ADAMTSL2: variants seen among roughly 807,000 people sequenced by gnomAD.
ADAMTSL2 encodes ADAMTS-like protein 2.
A neutral mutation model predicts 117.0 loss-of-function variants in ADAMTSL2; 55 were observed. The observed-to-expected ratio is 0.47, with a 90% CI of 0.38 to 0.59. The LOEUF is 0.59. Ranked by LOEUF, ADAMTSL2 falls within the 20% of genes least tolerant of loss-of-function variation. The probability of loss-of-function intolerance (pLI) is 0.00; values close to 1 mark genes in which losing one functional copy is unlikely to be tolerated. For synonymous variants in ADAMTSL2, 572 were observed against 566.4 expected, an observed-to-expected ratio of 1.01 and a Z score of -0.14; for missense variants, 1,182 against 1,354.5, an observed-to-expected ratio of 0.87 and a Z score of 2.00.
intron 5 of ADAMTSL2, among the ~76,000 whole-genome samples, chr9:133,540,243 A>T (rs1830182807): frequency 6.6e-6 from 1 of 152,214 alleles, no homozygotes; most frequent in Non-Finnish European, 1.5e-5. Context: ...CAACAGTGTA[A>T]ATGCTTCATC....
In ADAMTSL2 at chr9:133,536,794, G is replaced by C; in HGVS notation, c.82G>C (p.Gly28Arg). ...AVVAGDTVST[G>R]STDNSPTSNS... ...TGTAGCTGGGGACACAGTGTCAACCGGGTCCACGGTGAGTGGGGTGTTGTG... is the reference window on the plus strand; with the variant it reads ...TGTAGCTGGGGACACAGTGTCAACCCGGTCCACGGTGAGTGGGGTGTTGTG... Residue 28 changes from glycine to arginine, a missense_variant, in exon 2 of 19, where the codon GGG (glycine) becomes CGG (arginine). Physicochemically the swap from Gly to Arg is moderately radical, Grantham distance 125 (BLOSUM62 -2). This residue lies in a region of ADAMTSL2 where 372 missense variants were observed against 463.4 expected (regional missense o/e 0.80). Coordinates refer to ENST00000651351, the MANE Select transcript of ADAMTSL2 (RefSeq NM_014694.4). 6.2e-7 allele frequency: 1 copy of C among 1,614,200 alleles called. No individual in the cohort carries two copies. The highest frequency in any genetic ancestry group is 1.7e-4 in the Middle Eastern group (1 of 6,056).
rs990753236 is a variant in ADAMTSL2 at position 133,561,306 on chromosome 9, C to T, written c.1747+11C>T. 83 of 1,580,274 alleles carry T rather than the reference C, an allele frequency of 5.3e-5. No individual in the cohort carries two copies. Among genetic ancestry groups the T allele is most frequent in the East Asian group, 9.1e-5 (4 of 43,776 alleles). ...CCACCTGCACCACAGGTACTGGTCACGGGTGCCAAGGGGCAGCAACTGCCC... is the reference window on the plus strand; with the variant it reads ...CCACCTGCACCACAGGTACTGGTCATGGGTGCCAAGGGGCAGCAACTGCCC... On this transcript the variant is annotated intron_variant, in intron 12 of 18. Transcript: ENST00000651351.
intron 11 of ADAMTSL2, among the ~76,000 whole-genome samples, chr9:133,560,056 T>C (rs1437377496): frequency 3.9e-5 from 6 of 152,090 alleles, no homozygotes; most frequent in Non-Finnish European, 8.8e-5. Context: ...CATTGTAAAC[T>C]CCCCATTCAA....
At chr9:133,533,038 G>C (rs28521969), upstream of ADAMTSL2, among the ~76,000 whole-genome samples, 27,632 of 152,204 alleles carry the variant, frequency 0.18, 2,765 homozygotes, top group South Asian at 0.29. Flanking sequence ...AACGCCAGGA[G>C]AGCTCGGGGA....
At chr9:133,539,682 G>C (rs1588277992) in intron 4 of ADAMTSL2, 89 bp from the exon 5 acceptor site, 1 of 1,349,088 alleles carries the variant, frequency 7.4e-7, no homozygotes, top group Non-Finnish European at 1.0e-6. Flanking sequence ...CGGCTGTCCC[G>C]GCTGCAGCCA....
At chr9:133,543,945 C>T (rs1186691838) in intron 7 of ADAMTSL2, among the ~76,000 whole-genome samples, 1 of 152,252 alleles carries the variant, frequency 6.6e-6, no homozygotes, top group African/African-American at 2.4e-5. Context: ...ATCTGGATCT[C>T]AGCCTGGGGC....
chr9:133,547,746 C>G (rs2073881), intron 9 of ADAMTSL2, among the ~76,000 whole-genome samples: 128,547 of 152,194 alleles, frequency 0.84, 55,062 homozygotes, highest in Non-Finnish European at 0.92. Flanking sequence ...CTATGGTGCT[C>G]GGTCCTTAGT....
rs1831054507 is a variant in ADAMTSL2, at chr9:133,569,460, C to G, written c.2297C>G (p.Thr766Ser). 3 of 1,613,542 alleles carry G rather than the reference C, an allele frequency of 1.9e-6. No homozygotes were observed. The highest frequency in any genetic ancestry group is 2.7e-5 in the African/African-American group (2 of 74,948). Residue 766 changes from threonine to serine, a missense_variant, in exon 16 of 19, where the codon ACC becomes AGC. Around this residue, in one of 3 missense-constraint regions of ADAMTSL2, gnomAD observed 465 missense variants for 565.3 expected, o/e 0.82. Transcript: ENST00000651351. ...GRTIRHVYCK[T>S]SDGRVVPESQ... ...ACCATCAGGCACGTGTACTGCAAGA[C>G]CAGCGACGGACGGGTAGTACCTGAG...
chr9:133,535,221 G>A (rs887518699), intron 1 of ADAMTSL2, among the ~76,000 whole-genome samples: 10 of 152,180 alleles, frequency 6.6e-5, no homozygotes, highest in African/African-American at 2.2e-4. Context: ...GTGGTGTCTG[G>A]AAGCCTTAAT....
chr9:133,547,887 C>T (rs1173025084), intron 9 of ADAMTSL2, among the ~76,000 whole-genome samples: 4 of 152,224 alleles, frequency 2.6e-5, no homozygotes, highest in African/African-American at 4.8e-5. Flanking sequence ...CTGTTATGCC[C>T]GACTTGCCAC....
Position 133,540,965 on chromosome 9 carries a change from G to C in ADAMTSL2, c.646G>C (p.Val216Leu). 6.2e-7 allele frequency: 1 copy of C among 1,613,446 alleles called. No individual in the cohort carries two copies. The highest frequency in any genetic ancestry group is 8.5e-7 in the Non-Finnish European group (1 of 1,180,026). ...CQGDGSSCTHVTGNYRKGNAH... is the reference protein window; with the variant it reads ...CQGDGSSCTHLTGNYRKGNAH... ...GGGGGACGGTAGCAGCTGCACCCAC[G>C]TGACGGGCAACTATCGCAAGGGGAA... Residue 216 changes from valine to leucine, a missense_variant, in exon 7 of 19, where the codon GTG (valine) becomes CTG (leucine). Physicochemically the swap from Val to Leu is conservative, Grantham distance 32. Around this residue, in one of 3 missense-constraint regions of ADAMTSL2, gnomAD observed 372 missense variants for 463.4 expected, o/e 0.80. Coordinates refer to ENST00000651351, the MANE Select transcript of ADAMTSL2 (RefSeq NM_014694.4).
chr9:133,570,389 C>T lies in ADAMTSL2; in HGVS notation c.2474C>T (p.Ala825Val). The T allele has an allele frequency of 6.4e-7, 1 of 1,569,130 alleles. No individual in the cohort carries two copies. The highest frequency in any genetic ancestry group is 8.6e-7 in the Non-Finnish European group (1 of 1,158,702). The change falls in exon 17 of 19, where the codon GCC (alanine) becomes GTC (valine). Residue 825 changes from alanine (A) to valine (V), a missense_variant. Coordinates refer to ENST00000651351, the MANE Select transcript of ADAMTSL2 (RefSeq NM_014694.4). ...CGGCTGGTGCTCTGCATGGAGCTGGCCAACGGGAAGCCGCAGACGCGCAGT... is the reference window on the plus strand; with the variant it reads ...CGGCTGGTGCTCTGCATGGAGCTGGTCAACGGGAAGCCGCAGACGCGCAGT... Reference protein sequence around the residue: ...KKRLVLCMELANGKPQTRSGP... With the variant: ...KKRLVLCMELVNGKPQTRSGP...
At chr9:133,555,295 G>A (rs376277640) in intron 10 of ADAMTSL2, among the ~76,000 whole-genome samples, 5 of 137,498 alleles carry the variant, frequency 3.6e-5, no homozygotes, top group Non-Finnish European at 6.3e-5. Flanking sequence ...GAGGTTCCGG[G>A]GGGGGCCATG....
rs199776835 is a variant in ADAMTSL2, at chr9:133,541,011, A to C, written c.682+10A>C. The C allele has an allele frequency of 1.9e-6, 3 of 1,611,908 alleles. No homozygotes were observed. Among genetic ancestry groups the C allele is most frequent in the Non-Finnish European group, 1.7e-6 (2 of 1,179,542 alleles). ...GGGAATGCCCACCTTGGTAAGCCACAGCGCGCCCTGGAGTCCAAGCACAGC... is the reference window on the plus strand; with the variant it reads ...GGGAATGCCCACCTTGGTAAGCCACCGCGCGCCCTGGAGTCCAAGCACAGC... On this transcript the variant is annotated intron_variant, in intron 7 of 18. Transcript: ENST00000651351.
In ADAMTSL2 at chr9:133,558,472, A is replaced by C. The variant is rs1215354587; in HGVS notation, c.1649+2542A>C. Among the ~76,000 whole-genome samples, 4 of 152,206 alleles carry C rather than the reference A, an allele frequency of 2.6e-5. No homozygotes were observed. In the East Asian group the frequency reaches 7.7e-4, roughly 29 times the overall value. On this transcript the variant is annotated intron_variant, in intron 11 of 18. Coordinates refer to ENST00000651351, the MANE Select transcript of ADAMTSL2 (RefSeq NM_014694.4). The surrounding 1 kb of genome is among the most constrained non-coding windows in gnomAD (Gnocchi z 4.3). ...TCAAGGGAGGGGCCCCTGTCACCAG[A>C]CTCCGACTTTGGGAACAAGCTTCTG... is the stretch of plus-strand genomic sequence containing the variant.
chr9:133,569,551 C>G lies in ADAMTSL2; in HGVS notation c.2388C>G (p.Ala796=), dbSNP rs930364759. ...IHPCGDKNCP[A]HWLAQDWERC... is the part of the protein sequence containing the mutation. The stretch of plus-strand genomic sequence containing the variant: ...CCTGTGGGGACAAAAACTGTCCCGC[C>G]CACTGGCTGGCCCAGGACTGGGAGC... Residue 796 remains alanine (A), a synonymous_variant, in exon 16 of 19, where the codon GCC becomes GCG. Transcript: ENST00000651351. The G allele has an allele frequency of 4.2e-5, 66 of 1,589,666 alleles. No individual in the cohort carries two copies. The highest frequency in any genetic ancestry group is 5.7e-5 in the Non-Finnish European group (66 of 1,167,336).
chr9:133,573,179 G>C (rs902820256), intron 17 of ADAMTSL2, among the ~76,000 whole-genome samples: 33 of 152,372 alleles, frequency 2.2e-4, no homozygotes, highest in Non-Finnish European at 2.5e-4. Flanking sequence ...CCTGGATGAT[G>C]TGGGGTCACC....
chr9:133,572,227 T>C (rs1017105760), intron 17 of ADAMTSL2, among the ~76,000 whole-genome samples: 3 of 125,236 alleles, frequency 2.4e-5, no homozygotes, highest in Admixed American at 1.0e-4. Context: ...GTAGCACACA[T>C]GCTTGTTCAG....
At chr9:133,547,243 AGG>A in intron 9 of ADAMTSL2, 30 bp downstream of exon 9, 1 of 1,603,170 alleles carries the variant, frequency 6.2e-7, no homozygotes, top group Non-Finnish European at 8.5e-7. Flanking sequence ...TGGGGGCCCC[AGG>A]GGCCCTGGGC....
Sources: gnomAD v4.1 joint callset for allele counts (sites outside exome capture counted in the v4.1 genomes callset) on GRCh38, gnomAD v4.1.1 for gene constraint, gnomAD v4.1.1 regional missense constraint, Gnocchi (gnomAD v3.1) non-coding constraint, MANE v1.5 for transcripts, NCBI Gene and HGNC (gene_info 2026-07-23, HGNC 2026-07-21) for gene names.